C8A: variants seen among roughly 807,000 people sequenced by gnomAD.
C8A encodes complement component C8 alpha chain.
A neutral mutation model predicts 65.3 loss-of-function variants in C8A; 67 were observed. That is an observed-to-expected ratio of 1.03 (90% CI 0.84 to 1.26). The LOEUF is 1.26. C8A is among the 50% of genes most tolerant of loss of function. The probability of loss-of-function intolerance (pLI) is 0.00; values close to 1 mark genes in which losing one functional copy is unlikely to be tolerated. For missense variants in C8A, 781 were observed against 723.9 expected (o/e 1.08, Z -0.90); for synonymous variants, 290 against 259.4 (o/e 1.12, Z -1.13).
At chr1:56,899,919 C>T (rs1644413652) in intron 7 of C8A, among the ~76,000 whole-genome samples, 1 of 152,154 alleles carries the variant, frequency 6.6e-6, no homozygotes, top group South Asian at 2.1e-4. Flanking sequence ...ACAATTTGCC[C>T]ACATAGTCAT....
In C8A at chr1:56,883,492, T is replaced by G; in HGVS notation, c.666T>G (p.Asp222Glu). 3 of 1,613,386 alleles carry G rather than the reference T, an allele frequency of 1.9e-6. No homozygotes were observed. Among genetic ancestry groups the G allele is most frequent in the Non-Finnish European group, 2.5e-6 (3 of 1,179,508 alleles). ...CTTTTTTTTTTCAGGCCCTGGCAGATACTGGAATCTCCTCAGAGTTTTATG... is the reference window on the plus strand; with the variant it reads ...CTTTTTTTTTTCAGGCCCTGGCAGAGACTGGAATCTCCTCAGAGTTTTATG... ...FLKYHFEALA[D>E]TGISSEFYDN... is the part of the protein sequence containing the mutation. The change falls in exon 6 of 11, where the codon GAT becomes GAG. Residue 222 changes from aspartate to glutamate, a missense_variant. Asp to Glu is a conservative substitution (Grantham distance 45). Transcript: ENST00000361249.
chr1:56,917,256 C>G (rs1468747054), intron 10 of C8A, among the ~76,000 whole-genome samples: 1 of 152,228 alleles, frequency 6.6e-6, no homozygotes, highest in African/African-American at 2.4e-5. Flanking sequence ...CACTCTCAGG[C>G]AACAGGATGG....
At chr1:56,909,652 A>C (rs1204813065) in intron 9 of C8A, among the ~76,000 whole-genome samples, 1 of 152,210 alleles carries the variant, frequency 6.6e-6, no homozygotes, top group Non-Finnish European at 1.5e-5. Flanking sequence ...GTCTTTTGGG[A>C]AAGAGCCCAG....
chr1:56,855,987 C>T (rs139313058), intron 1 of C8A, among the ~76,000 whole-genome samples: 79 of 151,962 alleles, frequency 5.2e-4, no homozygotes, highest in Middle Eastern at 6.8e-3. Flanking sequence ...AAATCTCCGC[C>T]GAGATATTCT....
Position 56,907,999 on chromosome 1 carries a change from G to A in C8A, c.1266G>A (p.Arg422=), listed in dbSNP as rs752889473. 3.2e-5 allele frequency: 52 copies of A among 1,614,042 alleles called. No individual in the cohort carries two copies. The South Asian group carries it at 5.2e-4, about 16-fold the overall frequency. The change falls in exon 9 of 11, where the codon CGG becomes CGA. Residue 422 remains arginine (R), a synonymous_variant. Transcript: ENST00000361249. ...TGGCTGTGGAAGACATTATTTCTCG[G>A]GTGCGAGGTGGCAGTTCTGGCTGGA... ...KAMAVEDIIS[R]VRGGSSGWSG...
chr1:56,918,208 A>C lies in C8A; in HGVS notation c.*492A>C, dbSNP rs1644569102. On this transcript the variant is annotated 3_prime_UTR_variant, in exon 11 of 11. Transcript: ENST00000361249. ...ACAATGAGAAAAATACTAAAAATTG[A>C]CTTGAGTTATTTCAATTTGCCTTCA... 6.4e-6 allele frequency: 1 copy of C among 155,866 alleles called. No homozygotes were observed. 9.7% of individuals were successfully genotyped at this position (155,866 alleles called of 1,614,324 possible).
In C8A at chr1:56,885,364, ATATATT is replaced by A. The variant is rs1281302748; in HGVS notation, c.856-553_856-548del. Among the ~76,000 whole-genome samples the A allele has an allele frequency of 5.6e-3, 464 of 83,080 alleles. 17 individuals carry two copies. In the South Asian group the frequency reaches 0.086, roughly 15 times the overall value. The allele number at this position is 83,080 out of a possible 152,430, so 54.5% of individuals were successfully genotyped here. A position where few individuals can be genotyped will look rare whatever the true frequency, so the allele number is the denominator to read the frequency against. On this transcript the variant is annotated intron_variant, in intron 6 of 10. Coordinates refer to ENST00000361249, the MANE Select transcript of C8A (RefSeq NM_000562.3). The stretch of plus-strand genomic sequence containing the variant: ...TACATAAATATATATTTATGTAAAT[ATATATT>A]TATATTTATTTAAATATATATTTAA...
intron 1 of C8A, among the ~76,000 whole-genome samples, chr1:56,863,821 TTCCCTTCCCTCCCTCTCTCAC>T (rs1359127194): frequency 1.3e-5 from 2 of 151,646 alleles, no homozygotes; most frequent in African/African-American, 4.9e-5. Context: ...GTTTTATTAT[TTCCCTTCCCTCCCTCTCTCAC>T]TCCCTTCCCT....
intron 7 of C8A, among the ~76,000 whole-genome samples, chr1:56,898,277 C>A (rs925567712): frequency 1.8e-4 from 28 of 152,082 alleles, no homozygotes; most frequent in African/African-American, 6.5e-4. Flanking sequence ...GTTGACCTCT[C>A]AGAAACCACA....
In C8A at chr1:56,862,913, T is replaced by C. The variant is rs1311371407; in HGVS notation, c.78-4696T>C. 2.6e-5 allele frequency among the ~76,000 whole-genome samples: 4 copies of C among 152,276 alleles called. No individual in the cohort carries two copies. In the East Asian group the frequency reaches 7.7e-4, roughly 29 times the overall value. On this transcript the variant is annotated intron_variant, in intron 1 of 10. Coordinates refer to ENST00000361249, the MANE Select transcript of C8A (RefSeq NM_000562.3). ...GCAATATGTGCCATAAGCTCTAAAA[T>C]CCCTTCAATGCAGTCATCCCACTCT...
At chr1:56,874,031 G>A (rs1025804190) in intron 2 of C8A, among the ~76,000 whole-genome samples, 1 of 152,146 alleles carries the variant, frequency 6.6e-6, no homozygotes, top group Non-Finnish European at 1.5e-5. Context: ...TGCAGTCAAA[G>A]GTGGACCCAG....
chr1:56,885,569 G>A (rs888577267), intron 6 of C8A, among the ~76,000 whole-genome samples: 1 of 126,318 alleles, frequency 7.9e-6, no homozygotes, highest in Non-Finnish European at 1.7e-5. Flanking sequence ...TTTTTTGTTT[G>A]TTTTTTTTTT....
intron 2 of C8A, among the ~76,000 whole-genome samples, chr1:56,872,865 G>A (rs1238343394): frequency 6.6e-6 from 1 of 151,710 alleles, no homozygotes; most frequent in Non-Finnish European, 1.5e-5. Context: ...GTTCTTGGAA[G>A]GCACATCCAG....
intron 1 of C8A, among the ~76,000 whole-genome samples, chr1:56,865,329 C>A (rs1644074498): frequency 6.6e-6 from 1 of 152,234 alleles, no homozygotes; most frequent in Admixed American, 6.5e-5. Flanking sequence ...AGTCCAAGAT[C>A]AAGGCACTGG....
chr1:56,881,456 T>C lies in C8A; in HGVS notation c.476T>C (p.Leu159Pro), dbSNP rs867579307. The C allele has an allele frequency of 4.3e-6, 7 of 1,613,520 alleles. No individual in the cohort carries two copies. The African/African-American group carries it at 8.0e-5, about 18-fold the overall frequency. Residue 159 changes from leucine (L) to proline (P), a missense_variant, in exon 5 of 11, where the codon CTG becomes CCG. Physicochemically the swap from Leu to Pro is moderately conservative, Grantham distance 98. Coordinates refer to ENST00000361249, the MANE Select transcript of C8A (RefSeq NM_000562.3). The stretch of plus-strand genomic sequence containing the variant: ...TTTGTTCCATGTAGGTACAATATCC[T>C]GACCCAGGAAGATGCTCAGAGTGTG... ...SQKAALGYNI[L>P]TQEDAQSVYD...
Position 56,874,989 on chromosome 1 carries a change from GAACCATC to G in C8A, c.213_219del (p.Thr72AlafsTer18), listed in dbSNP as rs1259084585. On this transcript the variant is annotated frameshift_variant, in exon 3 of 11. Transcript: ENST00000361249. LOFTEE classifies it high-confidence loss of function. Reference sequence around the variant, plus strand: ...CTCTTGCAGCCAAACAAGTTTGGGGGAACCATCTGCAGTGGTGACATCTGGGATCAAG... The same window carrying G: ...CTCTTGCAGCCAAACAAGTTTGGGGGTGCAGTGGTGACATCTGGGATCAAG... 6 of 1,613,610 alleles carry G rather than the reference GAACCATC, an allele frequency of 3.7e-6. No homozygotes were observed. In the Admixed American group the frequency reaches 8.3e-5, roughly 22 times the overall value.
At chr1:56,904,754 T>C (rs1179858614) in intron 7 of C8A, among the ~76,000 whole-genome samples, 1 of 152,194 alleles carries the variant, frequency 6.6e-6, no homozygotes, top group Non-Finnish European at 1.5e-5. Context: ...GGTTCTATGA[T>C]TCTTTGTAAG....
At chr1:56,892,043 C>T (rs935332561) in intron 7 of C8A, among the ~76,000 whole-genome samples, 4 of 152,096 alleles carry the variant, frequency 2.6e-5, no homozygotes, top group African/African-American at 9.7e-5. Context: ...CTCCTTGCTT[C>T]TTCTACTCCT....
Position 56,883,640 on chromosome 1 carries a change from G to A in C8A, c.814G>A (p.Asp272Asn). Residue 272 changes from aspartate to asparagine, a missense_variant, in exon 6 of 11, where the codon GAC becomes AAC. Coordinates refer to ENST00000361249, the MANE Select transcript of C8A (RefSeq NM_000562.3). Reference sequence around the variant, plus strand: ...GGGTGTAGGTGTATCCCACTCACAAGACACTTCATTCTTGAACGAATTAAA... The same window carrying A: ...GGGTGTAGGTGTATCCCACTCACAAAACACTTCATTCTTGAACGAATTAAA... ...LVGVGVSHSQDTSFLNELNKY... is the reference protein window; with the variant it reads ...LVGVGVSHSQNTSFLNELNKY... 1 of 1,613,914 alleles carries A rather than the reference G, an allele frequency of 6.2e-7. No homozygotes were observed. Among genetic ancestry groups the A allele is most frequent in the Non-Finnish European group, 8.5e-7 (1 of 1,179,916 alleles).
Sources: gnomAD v4.1 joint callset for allele counts (sites outside exome capture counted in the v4.1 genomes callset) on GRCh38, gnomAD v4.1.1 for gene constraint, MANE v1.5 for transcripts, NCBI Gene and HGNC (gene_info 2026-07-23, HGNC 2026-07-21) for gene names.